The following BMP5 variants were observed in gnomAD, a reference collection of about 807,000 sequenced individuals.
BMP5 encodes bone morphogenetic protein 5.
Under a neutral mutation model 46.6 loss-of-function variants are expected in BMP5, and 23 were observed. That is an observed-to-expected ratio of 0.49 (90% CI 0.35 to 0.70). BMP5 has a LOEUF of 0.70. BMP5 is among the 30% of genes least tolerant of loss of function. BMP5 has a pLI of 0.00. For synonymous variants in BMP5, 204 were observed against 191.9 expected (o/e 1.06, Z -0.52); for missense variants, 545 against 565.6 (o/e 0.96, Z 0.37).
intron 4 of BMP5, chr6:55,772,950 A>G: frequency 8.1e-6 from 8 of 982,676 alleles, no homozygotes; most frequent in Non-Finnish European, 9.7e-6. Flanking sequence ...GTCGTCATCT[A>G]TTTCTTATCT....
chr6:55,869,103 C>T (rs1375447960), intron 1 of BMP5, among the ~76,000 whole-genome samples: 2 of 152,170 alleles, frequency 1.3e-5, no homozygotes, highest in African/African-American at 2.4e-5. Context: ...TTTTTTAAAG[C>T]TGAGCTACTA....
chr6:55,798,284 G>C (rs1775765431), intron 2 of BMP5, among the ~76,000 whole-genome samples: 1 of 152,118 alleles, frequency 6.6e-6, no homozygotes, highest in Non-Finnish European at 1.5e-5. Flanking sequence ...CAACATCGGG[G>C]GAGAGGGCAC....
chr6:55,758,553 T>C (rs1774673300), intron 6 of BMP5, among the ~76,000 whole-genome samples: 2 of 151,954 alleles, frequency 1.3e-5, no homozygotes, highest in Admixed American at 6.6e-5. Context: ...ATTAGCTTCC[T>C]ATTTGTATAC....
rs561928686 is a variant in BMP5, at chr6:55,836,247, C to T, written c.491-16400G>A. On this transcript the variant is annotated intron_variant, in intron 1 of 6. Coordinates refer to ENST00000370830, the MANE Select transcript of BMP5 (RefSeq NM_021073.4). ...GTTTTATTAAGTACTATATAAAAAT[C>T]AATAACTACTGTTCAGACTAAGCTT... Among the ~76,000 whole-genome samples, 8 of 152,158 alleles carry T rather than the reference C, an allele frequency of 5.3e-5. No homozygotes were observed. In the East Asian group the frequency reaches 1.4e-3, roughly 26 times the overall value.
chr6:55,779,637 G>A (rs1775259444), intron 3 of BMP5, among the ~76,000 whole-genome samples: 1 of 151,960 alleles, frequency 6.6e-6, no homozygotes, highest in South Asian at 2.1e-4. Flanking sequence ...ATAGAATCTT[G>A]TCTACTTAAA....
chr6:55,850,837 G>A (rs1003116787), intron 1 of BMP5, among the ~76,000 whole-genome samples: 3 of 152,216 alleles, frequency 2.0e-5, no homozygotes, highest in African/African-American at 4.8e-5. Context: ...GTGTAAATGT[G>A]GGCCTCTCCA....
chr6:55,781,074 C>T (rs899601854), intron 3 of BMP5, among the ~76,000 whole-genome samples: 1 of 152,082 alleles, frequency 6.6e-6, no homozygotes, highest in Non-Finnish European at 1.5e-5. Flanking sequence ...CACAAAAGCA[C>T]TTACTTTTTA....
intron 1 of BMP5, among the ~76,000 whole-genome samples, chr6:55,838,472 C>G (rs1456456367): frequency 6.6e-6 from 1 of 152,102 alleles, no homozygotes. Flanking sequence ...AATCCTTTGC[C>G]TATTTTTTTA....
chr6:55,831,420 T>C (rs1167331800), intron 1 of BMP5, among the ~76,000 whole-genome samples: 1 of 151,660 alleles, frequency 6.6e-6, no homozygotes, highest in East Asian at 1.9e-4. Flanking sequence ...AGGAACCTAC[T>C]AAAAAAAACT....
At chr6:55,778,899 C>T (rs1775241901) in intron 3 of BMP5, among the ~76,000 whole-genome samples, 1 of 152,002 alleles carries the variant, frequency 6.6e-6, no homozygotes, top group Non-Finnish European at 1.5e-5. Flanking sequence ...CATATAAGTA[C>T]TGAGGTTAGT....
chr6:55,833,900 G>T (rs1776722205), intron 1 of BMP5, among the ~76,000 whole-genome samples: 1 of 151,372 alleles, frequency 6.6e-6, no homozygotes, highest in Admixed American at 6.6e-5. Context: ...TAACAACAAT[G>T]ATGATGACTA....
chr6:55,808,773 C>T (rs1434839688), intron 2 of BMP5, among the ~76,000 whole-genome samples: 2 of 152,192 alleles, frequency 1.3e-5, no homozygotes, highest in African/African-American at 4.8e-5. Flanking sequence ...CTCTTCCTTC[C>T]TCTCCATGGG....
chr6:55,759,146 A>G (rs202201755), intron 5 of BMP5, 31 bp from the exon 6 acceptor site: 1 of 143,180 alleles, frequency 7.0e-6, no homozygotes, highest in Admixed American at 1.2e-4. Flanking sequence ...CACACACACA[A>G]AAAAAAAAAA....
chr6:55,863,542 C>G (rs1454013049), intron 1 of BMP5, among the ~76,000 whole-genome samples: 1 of 152,152 alleles, frequency 6.6e-6, no homozygotes, highest in Admixed American at 6.5e-5. Flanking sequence ...AGAGTCCAGT[C>G]TCTGCCATGG....
At chr6:55,844,134 C>T (rs1408821510) in intron 1 of BMP5, among the ~76,000 whole-genome samples, 1 of 151,960 alleles carries the variant, frequency 6.6e-6, no homozygotes. Context: ...CCTAACACAG[C>T]ATGAGCCTAA....
intron 1 of BMP5, among the ~76,000 whole-genome samples, chr6:55,820,517 A>G (rs192137992): frequency 6.6e-6 from 1 of 152,194 alleles, no homozygotes; most frequent in African/African-American, 2.4e-5. Flanking sequence ...TCCCAGGCTC[A>G]AGTGATCCTC....
rs1480092419 is a variant in BMP5, at chr6:55,819,509, C to T, written c.683+146G>A. On this transcript the variant is annotated intron_variant, in intron 2 of 6. Coordinates refer to ENST00000370830, the MANE Select transcript of BMP5 (RefSeq NM_021073.4). Reference sequence around the variant, plus strand: ...AAATTTTCAGATCGATTACGGTTACCTTTCAATATCTCTACCTGGCTCTAA... The same window carrying T: ...AAATTTTCAGATCGATTACGGTTACTTTTCAATATCTCTACCTGGCTCTAA... 2.1e-5 allele frequency: 15 copies of T among 701,144 alleles called. No homozygotes were observed. The Admixed American group carries it at 3.9e-4, about 18-fold the overall frequency. The allele number at this position is 701,144 out of a possible 1,614,324, so 43.4% of individuals were successfully genotyped here.
chr6:55,832,515 T>A (rs1194428209), intron 1 of BMP5, among the ~76,000 whole-genome samples: 1 of 152,228 alleles, frequency 6.6e-6, no homozygotes, highest in Non-Finnish European at 1.5e-5. Flanking sequence ...TATTTAAATA[T>A]CTAGCTTTGT....
rs139685558 is a variant in BMP5, at chr6:55,816,000, G to T, written c.683+3655C>A. On this transcript the variant is annotated intron_variant, in intron 2 of 6. Transcript: ENST00000370830. ...AACAGTGGGCATACAGAAAAGATAG[G>T]AATTTTAATTGTGATCAATGTAAAA... Among the ~76,000 whole-genome samples the T allele has an allele frequency of 3.6e-3, 550 of 151,906 alleles. 5 individuals are homozygous for T. Among genetic ancestry groups the T allele is most frequent in the African/African-American group, 0.013 (519 of 41,470 alleles).
Sources: gnomAD v4.1 joint callset for allele counts (sites outside exome capture counted in the v4.1 genomes callset) on GRCh38, gnomAD v4.1.1 for gene constraint, MANE v1.5 for transcripts, NCBI Gene and HGNC (gene_info 2026-07-23, HGNC 2026-07-21) for gene names.